Variants in ABCC5 observed in about 807,000 individuals in gnomAD.
ABCC5 encodes ATP-binding cassette sub-family C member 5.
ABCC5 carries 61 observed loss-of-function variants against 160.9 expected under a neutral mutation model. That is an observed-to-expected ratio of 0.38 (90% CI 0.31 to 0.47). The LOEUF (loss-of-function observed/expected upper bound fraction) is 0.47, where lower values mean the gene tolerates loss of function less well. ABCC5 is among the 20% of genes least tolerant of loss of function. The pLI, the probability that ABCC5 is intolerant of heterozygous loss-of-function variation, is 0.99. For missense variants in ABCC5, 1,308 were observed against 1,813.3 expected (o/e 0.72, Z 5.06); for synonymous variants, 666 against 700.6 (o/e 0.95, Z 0.78).
rs748690298 is a variant in ABCC5 at position 183,947,364 on chromosome 3, G to C, written c.3374C>G (p.Pro1125Arg). Reference sequence around the variant, plus strand: ...GATGGCGAGACCCGCATAGGCTGGGGGAATCTGCCCGTGCATAAGAACGAT... The same window carrying C: ...GATGGCGAGACCCGCATAGGCTGGGCGAATCTGCCCGTGCATAAGAACGAT... ...LMIVLMHGQI[P>R]PAYAGLAISY... is the part of the protein sequence containing the mutation. Residue 1125 changes from proline to arginine, a missense_variant, in exon 23 of 30, where the codon CCC becomes CGC. Transcript: ENST00000334444. 2 of 1,613,516 alleles carry C rather than the reference G, an allele frequency of 1.2e-6. No homozygotes were observed. Among genetic ancestry groups the C allele is most frequent in the Non-Finnish European group, 1.7e-6 (2 of 1,179,744 alleles).
At chr3:183,985,096 A>G (rs1719090068) in intron 5 of ABCC5, 2 of 657,868 alleles carry the variant, frequency 3.0e-6, no homozygotes, top group Non-Finnish European at 2.6e-6. Context: ...GTTCCAACAC[A>G]TCGGGTTTTT....
At chr3:183,956,530 A>T (rs7633894) in intron 17 of ABCC5, among the ~76,000 whole-genome samples, 1 of 130,744 alleles carries the variant, frequency 7.6e-6, no homozygotes, top group Non-Finnish European at 1.6e-5. Context: ...GGTTACATGC[A>T]GATCAGTGTG....
Position 183,947,416 on chromosome 3 carries a change from C to T in ABCC5, c.3322G>A (p.Ala1108Thr), listed in dbSNP as rs1226561421. The T allele has an allele frequency of 3.7e-6, 6 of 1,613,630 alleles. No homozygotes were observed. The highest frequency in any genetic ancestry group is 2.7e-5 in the African/African-American group (2 of 74,828). The stretch of plus-strand genomic sequence containing the variant: ...ATCAGCCCCGTGGTGGTGATGAGGG[C>T]GATGCTGATGAGGTCCAGCCGCACA... ...LAVRLDLISIALITTTGLMIV... is the reference protein window; with the variant it reads ...LAVRLDLISITLITTTGLMIV... The change falls in exon 23 of 30, where the codon GCC becomes ACC. Residue 1108 changes from alanine to threonine, a missense_variant. Around this residue, in one of 3 missense-constraint regions of ABCC5, gnomAD observed 1,142 missense variants for 1,527.1 expected, o/e 0.75. Transcript: ENST00000334444.
In ABCC5 at chr3:183,988,798, CTG is replaced by C; in HGVS notation, c.288-73_288-72del. The C allele has an allele frequency of 6.7e-7, 1 of 1,489,476 alleles. No individual in the cohort carries two copies. The highest frequency in any genetic ancestry group is 2.3e-5 in the East Asian group (1 of 43,836). 92.3% of individuals were successfully genotyped at this position (1,489,476 alleles called of 1,614,324 possible). A position where few individuals can be genotyped will look rare whatever the true frequency, so the allele number is the denominator to read the frequency against. On this transcript the variant is annotated intron_variant, in intron 3 of 29. Transcript: ENST00000334444. This position sits in a 1 kb window ranked among gnomAD's most constrained non-coding sequence, Gnocchi z 4.4. Reference sequence around the variant, plus strand: ...GAGGGCAGCCCGTGTTTAATGGACACTGTTTAGTGAACACAGCTCTTAGCTAA... The same window carrying C: ...GAGGGCAGCCCGTGTTTAATGGACACTTTAGTGAACACAGCTCTTAGCTAA...
chr3:184,012,600 T>C (rs1421848369), intron 2 of ABCC5, among the ~76,000 whole-genome samples: 1 of 152,198 alleles, frequency 6.6e-6, no homozygotes, highest in Non-Finnish European at 1.5e-5. Context: ...CCCCACCTAA[T>C]CACCCTTTAA....
chr3:183,949,770 C>G lies in ABCC5; in HGVS notation c.3210G>C (p.Gly1070=), dbSNP rs758967498. The G allele has an allele frequency of 6.2e-7, 1 of 1,614,100 alleles. No homozygotes were observed. The highest frequency in any genetic ancestry group is 1.1e-5 in the South Asian group (1 of 91,074). ...GLATIHAYNK[G]QEFLHRYQEL... is the part of the protein sequence containing the mutation. ...GGACAAACCTGTGCAGAAACTCCTG[C>G]CCTTTATTGTAGGCGTGGATGGTGG... The change falls in exon 22 of 30, where the codon GGG becomes GGC. Residue 1070 remains glycine, a synonymous_variant. Transcript: ENST00000334444. This position sits in a 1 kb window ranked among gnomAD's most constrained non-coding sequence, Gnocchi z 4.2.
Position 183,953,118 on chromosome 3 carries a change from A to G in ABCC5, c.2635T>C (p.Trp879Arg). Residue 879 changes from tryptophan to arginine, a missense_variant, in exon 18 of 30, where the codon TGG becomes CGG. Trp to Arg is a moderately radical substitution (Grantham distance 101). Coordinates refer to ENST00000334444, the MANE Select transcript of ABCC5 (RefSeq NM_005688.4). Reference sequence around the variant, plus strand: ...CCTTGCTTGATCCAGTAACTCAACCACCAGGTGCTGAAGGCGGTGCTGCCT... The same window carrying G: ...CCTTGCTTGATCCAGTAACTCAACCGCCAGGTGCTGAAGGCGGTGCTGCCT... ...NVGSTAFSTW[W>R]LSYWIKQGSG... 1 of 1,613,962 alleles carries G rather than the reference A, an allele frequency of 6.2e-7. No individual in the cohort carries two copies. Among genetic ancestry groups the G allele is most frequent in the Non-Finnish European group, 8.5e-7 (1 of 1,179,990 alleles).
At chr3:183,965,028 C>T (rs996179084) in intron 14 of ABCC5, among the ~76,000 whole-genome samples, 157 bp downstream of exon 14, 9 of 152,230 alleles carry the variant, frequency 5.9e-5, no homozygotes, top group Non-Finnish European at 1.2e-4. Context: ...AACATCCCTG[C>T]CCTAATGGAC....
At chr3:183,975,691 C>A (rs1389734632) in intron 10 of ABCC5, among the ~76,000 whole-genome samples, 1 of 151,584 alleles carries the variant, frequency 6.6e-6, no homozygotes, top group South Asian at 2.1e-4. Flanking sequence ...AAAAGAATAA[C>A]AAGGAAAAAA....
At chr3:183,930,758 GC>G (rs1479421437) in intron 26 of ABCC5, among the ~76,000 whole-genome samples, 1 of 152,192 alleles carries the variant, frequency 6.6e-6, no homozygotes, top group Non-Finnish European at 1.5e-5. Flanking sequence ...TGGCAGCATG[GC>G]CCAAATGACA....
rs954911266 is a variant in ABCC5, at chr3:183,977,541, G to A, written c.1380C>T (p.Ala460=). The part of the protein sequence containing the change: ...TPFSVKSLSE[A]SVAVDRFKSL... ...CCTTAAATCTGTCAACAGCCACTGA[G>A]GCTTCTGAGAGGGACTTTACTGAAA... The change falls in exon 10 of 30, where the codon GCC becomes GCT. Residue 460 remains alanine, a synonymous_variant. Transcript: ENST00000334444. 6.2e-7 allele frequency: 1 copy of A among 1,613,990 alleles called. No homozygotes were observed. Among genetic ancestry groups the A allele is most frequent in the Non-Finnish European group, 8.5e-7 (1 of 1,179,884 alleles).
chr3:183,921,122 T>G lies in ABCC5; in HGVS notation c.*178A>C. On this transcript the variant is annotated 3_prime_UTR_variant, in exon 30 of 30. Transcript: ENST00000334444. The surrounding 1 kb of genome is among the most constrained non-coding windows in gnomAD (Gnocchi z 4.1). The stretch of plus-strand genomic sequence containing the variant: ...TTTGTTTACATGAATATGGAATAAA[T>G]ACAATAATCAAAATATGACTCTCCC... 2.0e-6 allele frequency: 1 copy of G among 489,058 alleles called. No individual in the cohort carries two copies. Among genetic ancestry groups the G allele is most frequent in the South Asian group, 3.8e-5 (1 of 26,276 alleles). The allele number at this position is 489,058 out of a possible 1,614,324, so 30.3% of individuals were successfully genotyped here.
At chr3:183,981,409 T>C (rs1718731085) in intron 8 of ABCC5, among the ~76,000 whole-genome samples, 1 of 152,200 alleles carries the variant, frequency 6.6e-6, no homozygotes. Flanking sequence ...GAAAGCCTCA[T>C]GACCAGGCTG....
At position 183,951,989 on chromosome 3, in the gene ABCC5, A is replaced by T. The variant is rs1462146166; in HGVS notation, c.2682T>A (p.Thr894=). ...CACTCACCGAGGTCTCGTTCCCTCG[A>T]GTCACAGTGGTGTTCTGTTTGAAGC... is the stretch of plus-strand genomic sequence containing the variant. ...IKQGSGNTTV[T]RGNETSVSDS... Residue 894 remains threonine (T), a synonymous_variant, in exon 19 of 30, where the codon ACT becomes ACA. Coordinates refer to ENST00000334444, the MANE Select transcript of ABCC5 (RefSeq NM_005688.4). This position sits in a 1 kb window ranked among gnomAD's most constrained non-coding sequence, Gnocchi z 4.7. The T allele has an allele frequency of 6.2e-7, 1 of 1,611,622 alleles. No homozygotes were observed.
At chr3:183,964,128 G>A (rs1180074228) in intron 14 of ABCC5, among the ~76,000 whole-genome samples, 1 of 152,046 alleles carries the variant, frequency 6.6e-6, no homozygotes, top group African/African-American at 2.4e-5. Flanking sequence ...CCTCTACTTT[G>A]TCTGCTCAGT....
intron 2 of ABCC5, among the ~76,000 whole-genome samples, chr3:184,012,515 G>C (rs541234236): frequency 1.3e-5 from 2 of 152,308 alleles, no homozygotes; most frequent in East Asian, 3.9e-4. Flanking sequence ...GACGTAAGTA[G>C]CTTATCCAAA....
chr3:183,994,938 G>C (rs1720140907), intron 2 of ABCC5, among the ~76,000 whole-genome samples: 1 of 149,026 alleles, frequency 6.7e-6, no homozygotes. Flanking sequence ...GCTCATTGCA[G>C]CCTTGAACTC....
chr3:184,006,279 T>C (rs1055026580), intron 2 of ABCC5: 1 of 139,318 alleles, frequency 7.2e-6, no homozygotes, highest in East Asian at 2.1e-4. Context: ...TAAAGCTTTA[T>C]GGATGCCTAC....
At chr3:183,998,130 T>C (rs1166732154) in intron 2 of ABCC5, among the ~76,000 whole-genome samples, 2 of 152,102 alleles carry the variant, frequency 1.3e-5, no homozygotes, top group African/African-American at 4.8e-5. Context: ...TATAGTTTTA[T>C]TTTTCTCCTT....
Sources: gnomAD v4.1 joint callset for allele counts (sites outside exome capture counted in the v4.1 genomes callset) on GRCh38, gnomAD v4.1.1 for gene constraint, gnomAD v4.1.1 regional missense constraint, Gnocchi (gnomAD v3.1) non-coding constraint, MANE v1.5 for transcripts, NCBI Gene and HGNC (gene_info 2026-07-23, HGNC 2026-07-21) for gene names.